The following VOPP1 variants were observed in gnomAD, a reference collection of about 807,000 sequenced individuals.
VOPP1 encodes VOPP1 WW domain binding protein.
VOPP1 carries 8 observed loss-of-function variants against 23.5 expected under a neutral mutation model. That is an observed-to-expected ratio of 0.34 (90% CI 0.20 to 0.61). VOPP1 has a LOEUF of 0.61. VOPP1 is among the 20% of genes least tolerant of loss of function. The pLI, the probability that VOPP1 is intolerant of heterozygous loss-of-function variation, is 0.78. For synonymous variants in VOPP1, 83 were observed against 97.3 expected (o/e 0.85, Z 0.86); for missense variants, 174 against 238.1 (o/e 0.73, Z 1.77).
At chr7:55,446,315 A>C (rs1459183472) in intron 4 of VOPP1, among the ~76,000 whole-genome samples, 1 of 152,088 alleles carries the variant, frequency 6.6e-6, no homozygotes, top group East Asian at 1.9e-4. Context: ...TTTTGATATG[A>C]GTACTACTTC....
chr7:55,534,905 T>A (rs1796694435), intron 1 of VOPP1, among the ~76,000 whole-genome samples: 1 of 152,244 alleles, frequency 6.6e-6, no homozygotes, highest in South Asian at 2.1e-4. Flanking sequence ...TCAAGCCTTG[T>A]CTCTTCCCAG....
chr7:55,510,053 A>G (rs1317938604), intron 2 of VOPP1, among the ~76,000 whole-genome samples: 2 of 152,186 alleles, frequency 1.3e-5, no homozygotes, highest in Admixed American at 1.3e-4. Context: ...TGGCCCAATA[A>G]TAAGATGCAG....
intron 3 of VOPP1, among the ~76,000 whole-genome samples, chr7:55,494,545 G>A (rs1284291106): frequency 6.6e-6 from 1 of 152,112 alleles, no homozygotes. Context: ...GCAAGCATAA[G>A]GCGAGGCTGG....
intron 4 of VOPP1, among the ~76,000 whole-genome samples, chr7:55,487,777 A>G (rs1486179312): frequency 2.0e-5 from 3 of 152,334 alleles, no homozygotes; most frequent in Admixed American, 2.0e-4. Context: ...TAATTCAATC[A>G]TCGTTTTCTT....
chr7:55,537,509 G>A, intron 1 of VOPP1: 1 of 1,536,156 alleles, frequency 6.5e-7, no homozygotes, highest in Non-Finnish European at 8.7e-7. Context: ...ACCTGAGCAT[G>A]TGAGCCCGTC....
chr7:55,519,133 AC>A (rs1414067346), intron 2 of VOPP1, among the ~76,000 whole-genome samples: 1 of 152,148 alleles, frequency 6.6e-6, no homozygotes, highest in African/African-American at 2.4e-5. Context: ...TGGTACTCTC[AC>A]GCTGAACTTC....
At chr7:55,450,998 A>G (rs975715739) in intron 4 of VOPP1, among the ~76,000 whole-genome samples, 4 of 152,264 alleles carry the variant, frequency 2.6e-5, no homozygotes, top group Non-Finnish European at 4.4e-5. Flanking sequence ...GACCTGCACA[A>G]GAACATACAT....
At chr7:55,568,780 G>GTTTTAAAACCTTTTT (rs1415166211) in intron 1 of VOPP1, among the ~76,000 whole-genome samples, 2 of 152,194 alleles carry the variant, frequency 1.3e-5, no homozygotes, top group African/African-American at 4.8e-5. Context: ...AGTGTAGTCA[G>GTTTTAAAACCTTTTT]TTTTAAAACC....
At chr7:55,479,297 C>G (rs1792522869) in intron 4 of VOPP1, among the ~76,000 whole-genome samples, 1 of 151,538 alleles carries the variant, frequency 6.6e-6, no homozygotes, top group Non-Finnish European at 1.5e-5. Context: ...TAACGCTATC[C>G]CTCCCCCATC....
chr7:55,558,725 A>G (rs761275764), intron 1 of VOPP1, among the ~76,000 whole-genome samples: 24 of 152,176 alleles, frequency 1.6e-4, no homozygotes, highest in Non-Finnish European at 2.9e-4. Flanking sequence ...CTTGCAGACA[A>G]AGACCCAAAA....
intron 2 of VOPP1, among the ~76,000 whole-genome samples, chr7:55,518,846 G>A (rs1795646933): frequency 6.6e-6 from 1 of 152,194 alleles, no homozygotes; most frequent in African/African-American, 2.4e-5. Flanking sequence ...AAGTGACATG[G>A]AAATTTACAA....
At chr7:55,521,672 C>A (rs1795869582) in intron 1 of VOPP1, 1 of 987,276 alleles carries the variant, frequency 1.0e-6, no homozygotes, top group African/African-American at 1.7e-5. Context: ...GGGAGCCTCT[C>A]CTGGGCTTTC....
intron 1 of VOPP1, among the ~76,000 whole-genome samples, chr7:55,532,914 C>T (rs1217045394): frequency 6.6e-6 from 1 of 152,206 alleles, no homozygotes; most frequent in South Asian, 2.1e-4. Context: ...AGAAGACTTT[C>T]TATTTCTTGT....
intron 3 of VOPP1, among the ~76,000 whole-genome samples, chr7:55,496,587 G>T (rs545578231): frequency 2.6e-5 from 4 of 152,232 alleles, no homozygotes; most frequent in Admixed American, 6.5e-5. Context: ...GTCAGGTGAG[G>T]CCAAGGAGGT....
chr7:55,552,626 G>A, intron 1 of VOPP1: 1 of 1,536,016 alleles, frequency 6.5e-7, no homozygotes, highest in Non-Finnish European at 8.7e-7. Flanking sequence ...CCAGGTCTGT[G>A]TGGCTCCAAA....
At chr7:55,482,598 C>G (rs566074742) in intron 4 of VOPP1, among the ~76,000 whole-genome samples, 22 of 151,920 alleles carry the variant, frequency 1.4e-4, no homozygotes, top group African/African-American at 5.1e-4. Context: ...CTCAGCCTCC[C>G]AAAGTGCTGG....
chr7:55,461,099 T>C lies in VOPP1; in HGVS notation n.418-24925A>G, dbSNP rs544419812. On this transcript the variant is annotated intron_variant and non_coding_transcript_variant, in intron 4 of 4. Transcript: ENST00000462326. ...GGCATTTGCAGTGATCTGGATGAGA[T>C]TGGAGACTTACTATTCTAAGTGAAG... Among the ~76,000 whole-genome samples the C allele has an allele frequency of 2.0e-4, 30 of 152,190 alleles. No homozygotes were observed. The South Asian group carries it at 2.1e-3, about 11-fold the overall frequency.
At chr7:55,493,665 T>C (rs1390997026) in intron 3 of VOPP1, among the ~76,000 whole-genome samples, 2 of 152,126 alleles carry the variant, frequency 1.3e-5, no homozygotes, top group Non-Finnish European at 2.9e-5. Flanking sequence ...GTCACCATAC[T>C]GATCACAGCA....
chr7:55,555,282 C>T (rs768176284), intron 1 of VOPP1, among the ~76,000 whole-genome samples: 5 of 152,132 alleles, frequency 3.3e-5, no homozygotes, highest in Non-Finnish European at 1.5e-5. Flanking sequence ...CTTGCCCTCC[C>T]GACCACCCCC....
Sources: gnomAD v4.1 joint callset for allele counts (sites outside exome capture counted in the v4.1 genomes callset) on GRCh38, gnomAD v4.1.1 for gene constraint, MANE v1.5 for transcripts, NCBI Gene and HGNC (gene_info 2026-07-23, HGNC 2026-07-21) for gene names.